ERBB4: variants seen among roughly 807,000 people sequenced by gnomAD.
The protein encoded by ERBB4 is erb-b2 receptor tyrosine kinase 4.
A neutral mutation model predicts 158.0 loss-of-function variants in ERBB4; 42 were observed. The ratio of observed to expected loss-of-function variants is 0.27; its 90% CI spans 0.21 to 0.34. ERBB4 has a LOEUF of 0.34. ERBB4 is among the 10% of genes least tolerant of loss of function. The pLI is 1.00. For synonymous variants in ERBB4, 583 were observed against 558.7 expected (o/e 1.04, Z -0.61); for missense variants, 1,333 against 1,624.1 (o/e 0.82, Z 3.08).
intron 20 of ERBB4, among the ~76,000 whole-genome samples, chr2:211,432,199 G>A (rs1559162204): frequency 6.6e-6 from 1 of 152,196 alleles, no homozygotes; most frequent in African/African-American, 2.4e-5. Context: ...AATCAATGCT[G>A]TGGGCAGTTA....
chr2:211,860,518 T>A (rs2077984115), intron 3 of ERBB4, among the ~76,000 whole-genome samples: 1 of 152,162 alleles, frequency 6.6e-6, no homozygotes. Flanking sequence ...GGTTTTATTG[T>A]ACACTACTCA....
intron 20 of ERBB4, among the ~76,000 whole-genome samples, chr2:211,479,532 A>C (rs988977717): frequency 3.3e-5 from 5 of 152,196 alleles, no homozygotes; most frequent in Non-Finnish European, 7.3e-5. Flanking sequence ...TCCACAGCAC[A>C]AAGCATGGTG....
Position 211,754,187 on chromosome 2 carries a change from G to C in ERBB4, c.557-3483C>G, listed in dbSNP as rs148066178. Among the ~76,000 whole-genome samples the C allele has an allele frequency of 2.0e-3, 298 of 152,182 alleles. 1 individual carries two copies. Among genetic ancestry groups the C allele is most frequent in the African/African-American group, 6.6e-3 (275 of 41,534 alleles). ...AAGTCCTGATTTCATCTGAAAAAGAGATCTTATGTGTCTGTCATATTCAGT... is the reference window on the plus strand; with the variant it reads ...AAGTCCTGATTTCATCTGAAAAAGACATCTTATGTGTCTGTCATATTCAGT... On this transcript the variant is annotated intron_variant, in intron 4 of 27. Coordinates refer to ENST00000342788, the MANE Select transcript of ERBB4 (RefSeq NM_005235.3).
chr2:212,302,891 T>A (rs1463544811), intron 1 of ERBB4, among the ~76,000 whole-genome samples: 2 of 151,424 alleles, frequency 1.3e-5, no homozygotes, highest in Admixed American at 6.6e-5. Context: ...AAAAAATTGT[T>A]TATCCCAACA....
intron 19 of ERBB4, among the ~76,000 whole-genome samples, chr2:211,563,306 G>A (rs545106063): frequency 1.3e-4 from 20 of 152,026 alleles, no homozygotes; most frequent in East Asian, 3.9e-4. Context: ...CATCTCCTAC[G>A]AAAACAATAG....
chr2:211,424,387 C>T (rs189702450), intron 22 of ERBB4, 86 bp from the exon 23 acceptor site: 1,392 of 892,350 alleles, frequency 1.6e-3, no homozygotes, highest in Non-Finnish European at 2.2e-3. Context: ...AAAGAATACT[C>T]CTTACAGGTC....
chr2:211,756,671 T>C (rs184967676), intron 4 of ERBB4, among the ~76,000 whole-genome samples: 2 of 152,322 alleles, frequency 1.3e-5, no homozygotes, highest in East Asian at 1.9e-4. Flanking sequence ...GCTGATTTTA[T>C]AGTCTGGTGA....
chr2:211,573,442 G>A (rs2067794734), intron 19 of ERBB4, among the ~76,000 whole-genome samples: 1 of 152,086 alleles, frequency 6.6e-6, no homozygotes, highest in Non-Finnish European at 1.5e-5. Flanking sequence ...AGTCTGAGGT[G>A]GGCAGATCAC....
intron 1 of ERBB4, among the ~76,000 whole-genome samples, chr2:212,505,580 T>C (rs1184580199): frequency 6.7e-6 from 1 of 149,152 alleles, no homozygotes; most frequent in Non-Finnish European, 1.5e-5. Flanking sequence ...AAAAAGGCGA[T>C]GCCTCTTTAT....
chr2:212,532,872 T>A (rs1692832019), intron 1 of ERBB4, among the ~76,000 whole-genome samples: 1 of 152,212 alleles, frequency 6.6e-6, no homozygotes, highest in South Asian at 2.1e-4. Flanking sequence ...CTACATAGCC[T>A]CTTTAGAATT....
At chr2:211,763,070 T>C (rs1227042511) in intron 4 of ERBB4, among the ~76,000 whole-genome samples, 1 of 152,098 alleles carries the variant, frequency 6.6e-6, no homozygotes, top group Non-Finnish European at 1.5e-5. Context: ...TGTGTGTGTG[T>C]CTGGAGACAT....
At chr2:212,417,214 A>T (rs1034966033) in intron 1 of ERBB4, among the ~76,000 whole-genome samples, 1 of 151,970 alleles carries the variant, frequency 6.6e-6, no homozygotes, top group Admixed American at 6.6e-5. Flanking sequence ...TTATTTTGTA[A>T]TTTATTTTAT....
chr2:211,702,197 A>G (rs2073279827), intron 11 of ERBB4, 31 bp from the exon 12 acceptor site: 1 of 1,529,536 alleles, frequency 6.5e-7, no homozygotes, highest in African/African-American at 1.4e-5. Context: ...AAACGGAACC[A>G]TGAAACGCAT....
chr2:211,876,431 G>C (rs1005075315), intron 3 of ERBB4, among the ~76,000 whole-genome samples: 1 of 152,032 alleles, frequency 6.6e-6, no homozygotes, highest in African/African-American at 2.4e-5. Context: ...CTGGAGCCTT[G>C]TTTATTTCAA....
At chr2:211,632,062 T>C (rs1256402158) in intron 16 of ERBB4, among the ~76,000 whole-genome samples, 9 of 152,012 alleles carry the variant, frequency 5.9e-5, no homozygotes. Context: ...TGCTATATTG[T>C]CATATAAAAC....
intron 1 of ERBB4, among the ~76,000 whole-genome samples, chr2:212,330,204 G>T (rs533941209): frequency 7.1e-6 from 1 of 141,612 alleles, no homozygotes; most frequent in Non-Finnish European, 1.5e-5. Flanking sequence ...AAAATGAGGG[G>T]TTGTGCTGTA....
At chr2:211,406,622 G>C (rs568493769) in intron 25 of ERBB4, among the ~76,000 whole-genome samples, 121 of 152,174 alleles carry the variant, frequency 8.0e-4, no homozygotes, top group African/African-American at 2.7e-3. Context: ...GCATCATTTT[G>C]GTAAACAGTG....
chr2:212,004,802 C>G (rs891442317), intron 2 of ERBB4, among the ~76,000 whole-genome samples: 2 of 151,894 alleles, frequency 1.3e-5, no homozygotes, highest in Non-Finnish European at 2.9e-5. Flanking sequence ...AACTAATCCC[C>G]TTTAGCCTAA....
chr2:212,185,188 G>A (rs1197645457), intron 1 of ERBB4, among the ~76,000 whole-genome samples: 1 of 151,442 alleles, frequency 6.6e-6, no homozygotes, highest in Non-Finnish European at 1.5e-5. Context: ...ATTCAGCTAA[G>A]TTTTTGTATT....
Sources: gnomAD v4.1 joint callset for allele counts (sites outside exome capture counted in the v4.1 genomes callset) on GRCh38, gnomAD v4.1.1 for gene constraint, MANE v1.5 for transcripts, NCBI Gene and HGNC (gene_info 2026-07-23, HGNC 2026-07-21) for gene names.